Variants in RBFOX1 observed in about 807,000 individuals in gnomAD.
RBFOX1 encodes RNA binding protein fox-1 homolog 1.
Under a neutral mutation model 57.7 loss-of-function variants are expected in RBFOX1, and 8 were observed. The ratio of observed to expected loss-of-function variants is 0.14; its 90% confidence interval spans 0.08 to 0.25. The LOEUF is 0.25. Ranked by LOEUF, RBFOX1 falls within the 10% of genes least tolerant of loss-of-function variation. RBFOX1 has a pLI of 1.00. For missense variants in RBFOX1, 611 were observed against 548.5 expected (o/e 1.11, Z -1.14); for synonymous variants, 326 against 222.4 (o/e 1.47, Z -4.15).
At chr16:6,497,414 G>T (rs1268089565) in intron 2 of RBFOX1, among the ~76,000 whole-genome samples, 1 of 152,152 alleles carries the variant, frequency 6.6e-6, no homozygotes, top group East Asian at 1.9e-4. Context: ...CCACTCTGTA[G>T]ATAGTCACTT....
intron 2 of RBFOX1, among the ~76,000 whole-genome samples, chr16:6,424,514 A>T (rs546541009): frequency 2.6e-5 from 4 of 152,284 alleles, no homozygotes; most frequent in African/African-American, 9.6e-5. Flanking sequence ...ACTGCTCAGC[A>T]TCTTTCAGGA....
At chr16:6,074,194 C>T (rs143030941) in intron 1 of RBFOX1, among the ~76,000 whole-genome samples, 122 of 152,222 alleles carry the variant, frequency 8.0e-4, no homozygotes, top group African/African-American at 2.5e-3. Context: ...GTGATCCGCC[C>T]GCCTCAGCCT....
intron 3 of RBFOX1, among the ~76,000 whole-genome samples, chr16:6,856,612 G>C (rs2057953793): frequency 6.6e-6 from 1 of 152,174 alleles, no homozygotes; most frequent in Non-Finnish European, 1.5e-5. Context: ...ATTCATTAAA[G>C]ATGAGAAGAC....
chr16:6,882,205 C>T (rs2063086022), intron 3 of RBFOX1, among the ~76,000 whole-genome samples: 1 of 152,112 alleles, frequency 6.6e-6, no homozygotes, highest in African/African-American at 2.4e-5. Flanking sequence ...GGTCCAGCAA[C>T]ACTGGGCAAT....
At chr16:7,453,161 T>C (rs951557951) in intron 4 of RBFOX1, among the ~76,000 whole-genome samples, 2 of 149,078 alleles carry the variant, frequency 1.3e-5, no homozygotes, top group African/African-American at 4.9e-5. Context: ...GCAATCATGA[T>C]ACATGCTACA....
intron 3 of RBFOX1, among the ~76,000 whole-genome samples, chr16:5,712,512 T>G (rs895126815): frequency 6.6e-6 from 1 of 152,194 alleles, no homozygotes; most frequent in Non-Finnish European, 1.5e-5. Context: ...GGGAAGAGTA[T>G]GTGAGGCCTC....
intron 4 of RBFOX1, among the ~76,000 whole-genome samples, chr16:7,355,432 A>T (rs919339506): frequency 1.3e-5 from 2 of 152,114 alleles, no homozygotes; most frequent in African/African-American, 4.8e-5. Context: ...CCACCCAGAG[A>T]CAATACCTGC....
chr16:6,166,163 T>C (rs1456112944), intron 1 of RBFOX1, among the ~76,000 whole-genome samples: 1 of 152,192 alleles, frequency 6.6e-6, no homozygotes, highest in African/African-American at 2.4e-5. Flanking sequence ...AGCATCTTAG[T>C]TGGCAATTCA....
At chr16:6,645,202 A>C (rs562040298) in intron 2 of RBFOX1, among the ~76,000 whole-genome samples, 36 of 152,284 alleles carry the variant, frequency 2.4e-4, no homozygotes, top group Admixed American at 3.9e-4. Context: ...TTTAGAACCC[A>C]CCCAGATAAT....
At chr16:7,503,893 A>G (rs575539498) in intron 4 of RBFOX1, among the ~76,000 whole-genome samples, 3 of 152,026 alleles carry the variant, frequency 2.0e-5, no homozygotes, top group Admixed American at 6.6e-5. Context: ...GGCAGTGGTG[A>G]TGGTTGGTTG....
chr16:5,594,139 C>T (rs774838805), intron 2 of RBFOX1, among the ~76,000 whole-genome samples: 3 of 152,170 alleles, frequency 2.0e-5, no homozygotes, highest in Non-Finnish European at 4.4e-5. Flanking sequence ...TGACCCCACA[C>T]CCTCTGTCCA....
At chr16:6,068,274 T>C (rs1170289574) in intron 1 of RBFOX1, among the ~76,000 whole-genome samples, 1 of 152,182 alleles carries the variant, frequency 6.6e-6, no homozygotes, top group Admixed American at 6.5e-5. Context: ...AGCCTTACTT[T>C]GTTTTCAGGA....
intron 2 of RBFOX1, among the ~76,000 whole-genome samples, chr16:6,553,744 G>C (rs1020632395): frequency 2.0e-5 from 3 of 152,166 alleles, no homozygotes; most frequent in Non-Finnish European, 4.4e-5. Context: ...ACAGCAAAAG[G>C]TGATAGGAGA....
chr16:5,280,162 T>A (rs1445791915), intron 1 of RBFOX1, among the ~76,000 whole-genome samples: 6 of 152,260 alleles, frequency 3.9e-5, no homozygotes, highest in African/African-American at 1.4e-4. Context: ...TAAGTTTTAC[T>A]GAGTGATTTT....
chr16:6,974,336 CTTTTTTTTTTTTTTTTTTT>C, intron 3 of RBFOX1, among the ~76,000 whole-genome samples: 1 of 58,682 alleles, frequency 1.7e-5, no homozygotes, highest in Admixed American at 2.8e-4. Flanking sequence ...TTTTCTTTTT[CTTTTTTTTTTTTTTTTTTT>C]TTTTTTTGCG....
chr16:7,600,814 A>G (rs1302809022), intron 9 of RBFOX1, among the ~76,000 whole-genome samples: 2 of 152,232 alleles, frequency 1.3e-5, no homozygotes, highest in Non-Finnish European at 2.9e-5. Flanking sequence ...ATAGAGGGTT[A>G]CAGTTAATAA....
At chr16:5,362,631 G>T (rs1596663775) in intron 1 of RBFOX1, among the ~76,000 whole-genome samples, 1 of 152,124 alleles carries the variant, frequency 6.6e-6, no homozygotes. Context: ...CAAAGTGCTG[G>T]GATTGCAGGC....
At chr16:6,633,673 T>C (rs1374394112) in intron 2 of RBFOX1, among the ~76,000 whole-genome samples, 1 of 152,058 alleles carries the variant, frequency 6.6e-6, no homozygotes, top group African/African-American at 2.4e-5. Context: ...TTCCAGCCAG[T>C]TACTGATGGC....
intron 1 of RBFOX1, among the ~76,000 whole-genome samples, chr16:6,170,589 C>G (rs2096952939): frequency 1.3e-5 from 2 of 152,028 alleles, no homozygotes; most frequent in Admixed American, 6.6e-5. Flanking sequence ...TGATGTAGAG[C>G]TTTTTTTCAA....
Sources: gnomAD v4.1 joint callset for allele counts (sites outside exome capture counted in the v4.1 genomes callset) on GRCh38, gnomAD v4.1.1 for gene constraint, MANE v1.5 for transcripts, NCBI Gene and HGNC (gene_info 2026-07-23, HGNC 2026-07-21) for gene names.